PROM1: variants seen among roughly 807,000 people sequenced by gnomAD.
PROM1 encodes prominin 1.
Under a neutral mutation model 116.9 loss-of-function variants are expected in PROM1, and 105 were observed. The observed-to-expected ratio is 0.90, with a 90% CI of 0.77 to 1.06. PROM1 has a LOEUF of 1.06. PROM1 is among the 50% of genes least tolerant of loss of function. PROM1 has a pLI of 0.00. For missense variants in PROM1, 1,122 were observed against 1,045.2 expected (o/e 1.07, Z -1.01); for synonymous variants, 393 against 387.0 (o/e 1.02, Z -0.18).
chr4:16,075,161 C>A (rs10010994), intron 2 of PROM1, among the ~76,000 whole-genome samples: 120,920 of 152,094 alleles, frequency 0.8, 48,294 homozygotes, highest in Non-Finnish European at 0.84. Flanking sequence ...AAGTGCCAAT[C>A]CTCTTCCTCA....
chr4:15,988,261 A>G (rs369933161), intron 19 of PROM1, among the ~76,000 whole-genome samples: 2 of 152,362 alleles, frequency 1.3e-5, no homozygotes, highest in African/African-American at 4.8e-5. Context: ...AGAACAGCAA[A>G]TCACATGTGA....
chr4:16,001,352 T>G (rs183338952), intron 13 of PROM1, among the ~76,000 whole-genome samples: 1 of 152,236 alleles, frequency 6.6e-6, no homozygotes, highest in Admixed American at 6.5e-5. Flanking sequence ...GGAGTCAGTA[T>G]GTTTGGAGCT....
At chr4:16,035,390 A>C (rs1304373441) in intron 4 of PROM1, among the ~76,000 whole-genome samples, 3 of 152,254 alleles carry the variant, frequency 2.0e-5, no homozygotes, top group Non-Finnish European at 4.4e-5. Flanking sequence ...TTTAAATACA[A>C]ATTGTACATT....
chr4:16,024,898 T>C (rs1730860221), intron 6 of PROM1, among the ~76,000 whole-genome samples: 1 of 152,216 alleles, frequency 6.6e-6, no homozygotes. Context: ...AAAACTTTCA[T>C]TTTTTTAAAA....
At chr4:16,000,781 C>A (rs1309525040) in intron 13 of PROM1, among the ~76,000 whole-genome samples, 162 bp from the exon 14 acceptor site, 2 of 151,864 alleles carry the variant, frequency 1.3e-5, no homozygotes, top group African/African-American at 4.8e-5. Flanking sequence ...GCTTGGGGAC[C>A]TGGAGAGGGG....
At chr4:15,983,667 G>A (rs1474770843) in intron 23 of PROM1, among the ~76,000 whole-genome samples, 1 of 152,212 alleles carries the variant, frequency 6.6e-6, no homozygotes, top group Non-Finnish European at 1.5e-5. Context: ...AGGCGGGCAG[G>A]CAGAGAGCAC....
chr4:16,002,832 C>T lies in PROM1; in HGVS notation c.1455-2213G>A, dbSNP rs192709594. ...CCAGCCTTTATTTTCTAAATATGCACATTCCTAGATCAGGGGTAGGGGAAC... is the reference window on the plus strand; with the variant it reads ...CCAGCCTTTATTTTCTAAATATGCATATTCCTAGATCAGGGGTAGGGGAAC... On this transcript the variant is annotated intron_variant, in intron 13 of 27. Coordinates refer to ENST00000447510, the MANE Select transcript of PROM1 (RefSeq NM_006017.3). Among the ~76,000 whole-genome samples, 16 of 152,286 alleles carry T rather than the reference C, an allele frequency of 1.1e-4. No individual in the cohort carries two copies. In the East Asian group the frequency reaches 3.1e-3, roughly 29 times the overall value.
intron 1 of PROM1, among the ~76,000 whole-genome samples, chr4:16,078,818 A>C (rs563006952): frequency 3.0e-4 from 45 of 152,304 alleles, no homozygotes; most frequent in African/African-American, 1.1e-3. Context: ...ATGTTAATTC[A>C]TATCTAATCC....
intron 8 of PROM1, among the ~76,000 whole-genome samples, chr4:16,018,994 G>A (rs754259707): frequency 2.1e-4 from 32 of 152,166 alleles, no homozygotes; most frequent in Admixed American, 2.0e-4. Context: ...TTAAGAGCAC[G>A]GTTTTAGATT....
intron 3 of PROM1, among the ~76,000 whole-genome samples, chr4:16,037,023 G>A (rs1456305029): frequency 1.3e-5 from 2 of 152,146 alleles, no homozygotes; most frequent in Non-Finnish European, 2.9e-5. Flanking sequence ...GGTTATGGGA[G>A]TGCCAAATCT....
At chr4:16,004,005 A>ACT (rs1175131671) in intron 13 of PROM1, among the ~76,000 whole-genome samples, 1 of 152,122 alleles carries the variant, frequency 6.6e-6, no homozygotes, top group Non-Finnish European at 1.5e-5. Context: ...AACTACACAT[A>ACT]CTCTTTCTGG....
chr4:15,998,552 T>C (rs1327432895), intron 14 of PROM1, 64 bp from the exon 15 acceptor site: 1 of 1,354,634 alleles, frequency 7.4e-7, no homozygotes, highest in Non-Finnish European at 9.6e-7. Flanking sequence ...ACTAATATAA[T>C]AAAATTAATA....
At chr4:16,048,052 G>C (rs989928846) in intron 2 of PROM1, among the ~76,000 whole-genome samples, 7 of 152,154 alleles carry the variant, frequency 4.6e-5, no homozygotes, top group African/African-American at 1.7e-4. Flanking sequence ...CACTTGAAGG[G>C]TTAAGTGTGG....
chr4:16,000,171 T>C (rs1435274877), intron 14 of PROM1, among the ~76,000 whole-genome samples: 2 of 152,194 alleles, frequency 1.3e-5, no homozygotes, highest in Admixed American at 6.5e-5. Flanking sequence ...CCAGCCACAT[T>C]TGGAAACTAC....
chr4:15,997,218 A>T (rs576912394), intron 15 of PROM1, among the ~76,000 whole-genome samples: 2 of 150,062 alleles, frequency 1.3e-5, no homozygotes, highest in South Asian at 4.2e-4. Flanking sequence ...TTTCAATGAA[A>T]CATATATATA....
chr4:16,027,475 T>A (rs929062475), intron 5 of PROM1, among the ~76,000 whole-genome samples: 1 of 152,140 alleles, frequency 6.6e-6, no homozygotes, highest in Non-Finnish European at 1.5e-5. Flanking sequence ...GATTATTTTA[T>A]TCACTCGTCA....
At position 16,006,656 on chromosome 4, in the gene PROM1, T is replaced by G; in HGVS notation, c.1336A>C (p.Thr446Pro). 6.2e-7 allele frequency: 1 copy of G among 1,612,714 alleles called. No homozygotes were observed. Among genetic ancestry groups the G allele is most frequent in the Non-Finnish European group, 8.5e-7 (1 of 1,179,546 alleles). ...AGGTAGTAAAAAATCACGATGAGGG[T>G]CAGCAGAGAGCAGATGACCAGGCCA... ...LGGLVICSLLTLIVIFYYLGL... is the reference protein window; with the variant it reads ...LGGLVICSLLPLIVIFYYLGL... The change falls in exon 13 of 28, where the codon ACC becomes CCC. Residue 446 changes from threonine (T) to proline (P), a missense_variant. Transcript: ENST00000447510.
chr4:16,001,878 G>A (rs1040354462), intron 13 of PROM1, among the ~76,000 whole-genome samples: 3 of 152,136 alleles, frequency 2.0e-5, no homozygotes, highest in Non-Finnish European at 4.4e-5. Context: ...AGTATTGAGT[G>A]AAAGTCAAGG....
rs189941615 is a variant in PROM1 at position 16,052,439 on chromosome 4, T to A, written c.221-13438A>T. The stretch of plus-strand genomic sequence containing the variant: ...TGCCCCCTAATAAATGGAAAAGAAG[T>A]GACAGAACACCACCACTTTACAGCA... On this transcript the variant is annotated intron_variant, in intron 2 of 27. Transcript: ENST00000447510. Among the ~76,000 whole-genome samples, 3 of 152,296 alleles carry A rather than the reference T, an allele frequency of 2.0e-5. No homozygotes were observed. The East Asian group carries it at 5.8e-4, about 29-fold the overall frequency.
Sources: gnomAD v4.1 joint callset for allele counts (sites outside exome capture counted in the v4.1 genomes callset) on GRCh38, gnomAD v4.1.1 for gene constraint, MANE v1.5 for transcripts, NCBI Gene and HGNC (gene_info 2026-07-23, HGNC 2026-07-21) for gene names.